NRXN1: variants seen among roughly 807,000 people sequenced by gnomAD.
NRXN1 encodes neurexin-1.
Under a neutral mutation model 150.9 loss-of-function variants are expected in NRXN1, and 39 were observed. The ratio of observed to expected loss-of-function variants is 0.26; its 90% CI spans 0.20 to 0.34. The LOEUF (loss-of-function observed/expected upper bound fraction) is 0.34. Among genes scored for constraint, NRXN1 ranks in the 10% least tolerant of loss-of-function variants. The pLI is 1.00. For synonymous variants in NRXN1, 924 were observed against 757.0 expected (o/e 1.22, Z -3.62); for missense variants, 1,815 against 1,949.9 (o/e 0.93, Z 1.30).
At position 50,033,255 on chromosome 2, in the gene NRXN1, C is replaced by T. The variant is rs113539784; in HGVS notation, c.4128+20016G>A. 3.9e-5 allele frequency among the ~76,000 whole-genome samples: 6 copies of T among 152,052 alleles called. 1 individual carries two copies. Among genetic ancestry groups the T allele is most frequent in the African/African-American group, 1.4e-4 (6 of 41,476 alleles). On this transcript the variant is annotated intron_variant, in intron 21 of 22. Transcript: ENST00000401669. ...TACAGGGCTACAATAACCAAAGCAC[C>T]ATGGTACTGGTACAAAAACAGACAC...
chr2:50,798,887 T>C (rs1013157699), intron 5 of NRXN1, among the ~76,000 whole-genome samples: 1 of 152,252 alleles, frequency 6.6e-6, no homozygotes, highest in African/African-American at 2.4e-5. Flanking sequence ...AGAAGCATTT[T>C]CTACATAGGC....
chr2:50,435,437 T>C (rs2085340555), intron 17 of NRXN1, among the ~76,000 whole-genome samples: 1 of 152,244 alleles, frequency 6.6e-6, no homozygotes, highest in Admixed American at 6.5e-5. Context: ...TCAATTCTTC[T>C]TTCTAGAATC....
At chr2:50,631,658 T>C (rs1682344473) in intron 5 of NRXN1, among the ~76,000 whole-genome samples, 2 of 151,972 alleles carry the variant, frequency 1.3e-5, no homozygotes, top group South Asian at 2.1e-4. Flanking sequence ...AGTACGATAA[T>C]TTTCCAATCT....
At chr2:50,882,626 C>A (rs908760382) in intron 5 of NRXN1, among the ~76,000 whole-genome samples, 2 of 151,780 alleles carry the variant, frequency 1.3e-5, no homozygotes, top group Non-Finnish European at 2.9e-5. Context: ...TAAAGACGAA[C>A]CCACAGGTGC....
intron 21 of NRXN1, among the ~76,000 whole-genome samples, chr2:49,997,678 C>T (rs1355981914): frequency 6.6e-6 from 1 of 152,048 alleles, no homozygotes; most frequent in Non-Finnish European, 1.5e-5. Context: ...TGTGTACTTC[C>T]TCAAAATACT....
At chr2:50,784,110 T>C (rs992695428) in intron 5 of NRXN1, among the ~76,000 whole-genome samples, 11 of 152,146 alleles carry the variant, frequency 7.2e-5, no homozygotes, top group Non-Finnish European at 1.3e-4. Flanking sequence ...TGTGTGAATG[T>C]GTATGGGTGG....
chr2:50,374,870 C>G (rs188672047), intron 17 of NRXN1, among the ~76,000 whole-genome samples: 2 of 152,224 alleles, frequency 1.3e-5, no homozygotes, highest in Admixed American at 1.3e-4. Flanking sequence ...AGTTTCACAG[C>G]CTTCCTTTTG....
chr2:50,356,681 A>T (rs545880443), intron 17 of NRXN1, among the ~76,000 whole-genome samples: 1 of 152,180 alleles, frequency 6.6e-6, no homozygotes, highest in East Asian at 1.9e-4. Context: ...AACTTACCTT[A>T]TTGCCTTCTA....
intron 17 of NRXN1, among the ~76,000 whole-genome samples, chr2:50,379,546 G>A (rs997216662): frequency 6.6e-6 from 1 of 152,164 alleles, no homozygotes; most frequent in African/African-American, 2.4e-5. Context: ...AAAAGAGAGA[G>A]AGGGAGAGAG....
At chr2:50,746,907 A>AT (rs937867831) in intron 5 of NRXN1, among the ~76,000 whole-genome samples, 10 of 151,710 alleles carry the variant, frequency 6.6e-5, no homozygotes, top group East Asian at 1.9e-4. Flanking sequence ...TTGGAAGCAA[A>AT]TTTTTTTTTA....
At chr2:50,945,151 C>G (rs1274949790) in intron 2 of NRXN1, among the ~76,000 whole-genome samples, 3 of 152,128 alleles carry the variant, frequency 2.0e-5, no homozygotes, top group African/African-American at 7.2e-5. Context: ...TCTGTTATTG[C>G]AATGGGAAAG....
At position 50,620,106 on chromosome 2, in the gene NRXN1, G is replaced by A. The variant is rs1679737031; in HGVS notation, c.1236C>T (p.Asp412=). The part of the protein sequence containing the change: ...QEDYTMLGSD[D]FFYVGGSPST... ...TGGGACTGCCTCCAACATAGAAAAA[G>A]TCATCAGACCCCAGCATGGTATAAT... The change falls in exon 8 of 23, where the codon GAC becomes GAT. Residue 412 remains aspartate, a synonymous_variant. Coordinates refer to ENST00000401669, the MANE Select transcript of NRXN1 (RefSeq NM_001330078.2). The A allele has an allele frequency of 6.2e-7, 1 of 1,613,414 alleles. No homozygotes were observed. Among genetic ancestry groups the A allele is most frequent in the South Asian group, 1.1e-5 (1 of 91,050 alleles).
chr2:50,164,990 C>T (rs79578695), intron 18 of NRXN1, among the ~76,000 whole-genome samples: 1,708 of 152,138 alleles, frequency 0.011, 35 homozygotes, highest in African/African-American at 0.039. Context: ...AGAGAGGTGT[C>T]TACTCCTCAC....
intron 15 of NRXN1, among the ~76,000 whole-genome samples, chr2:50,487,743 T>C (rs565928381): frequency 6.6e-6 from 1 of 152,184 alleles, no homozygotes; most frequent in South Asian, 2.1e-4. Context: ...CTGAAAATGA[T>C]AGTGACATTC....
At chr2:49,980,223 A>C (rs1480141276) in intron 21 of NRXN1, among the ~76,000 whole-genome samples, 1 of 152,194 alleles carries the variant, frequency 6.6e-6, no homozygotes, top group African/African-American at 2.4e-5. Context: ...CATAAGAACC[A>C]ACAAGGCACA....
At chr2:50,717,236 C>T (rs1695982652) in intron 5 of NRXN1, among the ~76,000 whole-genome samples, 1 of 151,992 alleles carries the variant, frequency 6.6e-6, no homozygotes, top group African/African-American at 2.4e-5. Flanking sequence ...ACATTTATTC[C>T]TCTACTTTAA....
At position 50,344,496 on chromosome 2, in the gene NRXN1, C is replaced by T. The variant is rs13031960; in HGVS notation, c.3365-107526G>A. Among the ~76,000 whole-genome samples, 3 of 152,122 alleles carry T rather than the reference C, an allele frequency of 2.0e-5. No homozygotes were observed. In the East Asian group the frequency reaches 5.8e-4, roughly 29 times the overall value. ...AAACACGACCATACAACAGAACCTT[C>T]GAAGGAAACAGAAAGTTCTTTGACC... is the stretch of plus-strand genomic sequence containing the variant. On this transcript the variant is annotated intron_variant, in intron 17 of 22. Transcript: ENST00000401669.
At chr2:50,038,285 G>T (rs1463834237) in intron 21 of NRXN1, among the ~76,000 whole-genome samples, 2 of 152,118 alleles carry the variant, frequency 1.3e-5, no homozygotes, top group Non-Finnish European at 1.5e-5. Context: ...GCTTGCATGT[G>T]GGCTAGACTT....
At chr2:50,232,884 C>T (rs957049834) in intron 18 of NRXN1, among the ~76,000 whole-genome samples, 9 of 152,166 alleles carry the variant, frequency 5.9e-5, no homozygotes, top group African/African-American at 1.7e-4. Flanking sequence ...TTTCTTTAAA[C>T]CACCAATCAC....
Sources: allele counts gnomAD v4.1 joint callset (sites outside exome capture counted in the v4.1 genomes callset), GRCh38; gene constraint gnomAD v4.1.1; transcripts MANE v1.5; gene names NCBI Gene and HGNC (gene_info 2026-07-23, HGNC 2026-07-21).